ENTREP2: variants seen among roughly 807,000 people sequenced by gnomAD.
ENTREP2 encodes protein ENTREP2.
chr15:29,645,096 A>C, the ENTREP2 span, among the ~76,000 whole-genome samples: 5 of 152,190 alleles, frequency 3.3e-5, no homozygotes, highest in African/African-American at 1.2e-4. Flanking sequence ...CCACAAACTT[A>C]AGAGGAACAC....
At chr15:29,569,754 G>A in the ENTREP2 span, 1 of 152,230 alleles carries the variant, frequency 6.6e-6, no homozygotes, top group Admixed American at 6.5e-5. Context: ...ATGGAGATTT[G>A]TTCACCACTG....
chr15:29,245,701 A>C, the ENTREP2 span, among the ~76,000 whole-genome samples: 2 of 152,094 alleles, frequency 1.3e-5, no homozygotes, highest in East Asian at 3.8e-4. Context: ...TAACAGATAA[A>C]GAAATATAAG....
chr15:29,657,174 A>C, the ENTREP2 span, among the ~76,000 whole-genome samples: 189 of 150,832 alleles, frequency 1.3e-3, 1 homozygote, highest in African/African-American at 4.5e-3. Flanking sequence ...CCTCCTCCTG[A>C]GCAGCTGGGA....
chr15:29,421,442 T>C, the ENTREP2 span, among the ~76,000 whole-genome samples: 1 of 152,154 alleles, frequency 6.6e-6, no homozygotes, highest in East Asian at 1.9e-4. Context: ...ATAGCAGAAT[T>C]TGTATCTTAT....
chr15:29,671,099 T>C, the ENTREP2 span, among the ~76,000 whole-genome samples: 2 of 152,156 alleles, frequency 1.3e-5, no homozygotes, highest in Admixed American at 1.3e-4. Flanking sequence ...ATCATACCCA[T>C]GTCATGAAAA....
At chr15:29,224,078 C>T in the ENTREP2 span, among the ~76,000 whole-genome samples, 1 of 152,182 alleles carries the variant, frequency 6.6e-6, no homozygotes, top group African/African-American at 2.4e-5. Flanking sequence ...TTAAAGACAC[C>T]GTGTCCAGAC....
the ENTREP2 span, among the ~76,000 whole-genome samples, chr15:29,514,441 A>C: frequency 1.1e-3 from 163 of 152,298 alleles, no homozygotes; most frequent in African/African-American, 3.8e-3. Context: ...ACCACATTTT[A>C]TGTATCCACT....
At chr15:29,428,015 C>A in the ENTREP2 span, among the ~76,000 whole-genome samples, 10 of 152,174 alleles carry the variant, frequency 6.6e-5, no homozygotes, top group Non-Finnish European at 2.9e-5. Flanking sequence ...CCATCCTTGA[C>A]AATTTATTAA....
chr15:29,433,379 T>C, the ENTREP2 span, among the ~76,000 whole-genome samples: 72 of 152,338 alleles, frequency 4.7e-4, 2 homozygotes, highest in South Asian at 0.015. Flanking sequence ...TTTGAACTAA[T>C]GGTAGAAAAT....
At chr15:29,156,066 G>A in the ENTREP2 span, among the ~76,000 whole-genome samples, 4 of 152,140 alleles carry the variant, frequency 2.6e-5, no homozygotes, top group African/African-American at 9.7e-5. Context: ...GGAGGCTGAG[G>A]AGCCTAGATT....
At chr15:29,356,027 G>A in the ENTREP2 span, among the ~76,000 whole-genome samples, 56 of 151,952 alleles carry the variant, frequency 3.7e-4, no homozygotes, top group African/African-American at 1.3e-3. Context: ...ACTTACCTAC[G>A]AGGCAATGTT....
chr15:29,578,375 T>G, the ENTREP2 span, among the ~76,000 whole-genome samples: 5 of 152,196 alleles, frequency 3.3e-5, no homozygotes, highest in African/African-American at 1.2e-4. Context: ...TGCACCAGTG[T>G]CCTGGAGCAT....
the ENTREP2 span, among the ~76,000 whole-genome samples, chr15:29,195,744 C>T: frequency 1.4e-4 from 22 of 152,208 alleles, no homozygotes; most frequent in African/African-American, 4.3e-4. Flanking sequence ...AGACTGGTCT[C>T]GAACTCCTGA....
chr15:29,513,934 G>A, the ENTREP2 span, among the ~76,000 whole-genome samples: 413 of 152,316 alleles, frequency 2.7e-3, 4 homozygotes, highest in Non-Finnish European at 3.8e-3. Context: ...CACCCTTGCA[G>A]TGTCTACATT....
the ENTREP2 span, among the ~76,000 whole-genome samples, chr15:29,408,261 T>C: frequency 1.3e-5 from 2 of 152,014 alleles, no homozygotes; most frequent in Admixed American, 1.3e-4. Flanking sequence ...ACATGCATAG[T>C]GCCTCCCTCA....
At chr15:29,320,992 AC>A in the ENTREP2 span, among the ~76,000 whole-genome samples, 1 of 152,154 alleles carries the variant, frequency 6.6e-6, no homozygotes, top group Non-Finnish European at 1.5e-5. Context: ...AAACTGATAA[AC>A]TTTCCAAATG....
chr15:29,157,361 C>T, the ENTREP2 span, among the ~76,000 whole-genome samples: 3 of 152,318 alleles, frequency 2.0e-5, no homozygotes, highest in East Asian at 1.9e-4. Flanking sequence ...ACTTCAGGGG[C>T]CTGGGGGCCT....
the ENTREP2 span, among the ~76,000 whole-genome samples, chr15:29,486,051 T>G: frequency 6.6e-6 from 1 of 152,268 alleles, no homozygotes; most frequent in East Asian, 1.9e-4. Context: ...TGAAGAGATA[T>G]CCATACTCCC....
the ENTREP2 span, among the ~76,000 whole-genome samples, chr15:29,561,237 C>T: frequency 2.0e-5 from 3 of 151,700 alleles, no homozygotes; most frequent in African/African-American, 7.3e-5. Flanking sequence ...GCAATTCCAC[C>T]TTTGGGTATA....
Sources: allele counts gnomAD v4.1 joint callset (sites outside exome capture counted in the v4.1 genomes callset), GRCh38; gene constraint gnomAD v4.1.1; transcripts MANE v1.5; gene names NCBI Gene and HGNC (gene_info 2026-07-23, HGNC 2026-07-21).